Variants in RIMS2 observed in about 807,000 individuals in gnomAD.
RIMS2 encodes regulating synaptic membrane exocytosis protein 2.
RIMS2 carries 59 observed loss-of-function variants against 174.4 expected under a neutral mutation model. That is an observed-to-expected ratio of 0.34 (90% CI 0.27 to 0.42). The LOEUF is 0.42. Ranked by LOEUF, RIMS2 falls within the 10% of genes least tolerant of loss-of-function variation. The pLI, the probability that RIMS2 is intolerant of heterozygous loss-of-function variation, is 1.00. For synonymous variants in RIMS2, 606 were observed against 572.5 expected, an observed-to-expected ratio of 1.06 and a Z score of -0.84; for missense variants, 1,620 against 1,666.3, an observed-to-expected ratio of 0.97 and a Z score of 0.48.
chr8:104,062,656 C>T (rs1350492085), intron 19 of RIMS2, among the ~76,000 whole-genome samples: 1 of 152,134 alleles, frequency 6.6e-6, no homozygotes, highest in African/African-American at 2.4e-5. Flanking sequence ...GAGCCAATAG[C>T]TGTATACACT....
intron 3 of RIMS2, among the ~76,000 whole-genome samples, chr8:103,787,062 A>C (rs1206553576): frequency 6.8e-6 from 1 of 147,736 alleles, no homozygotes; most frequent in Non-Finnish European, 1.5e-5. Flanking sequence ...TGTTGGTTTA[A>C]AGTCTGTTTT....
chr8:104,177,663 A>G (rs1389043683), intron 19 of RIMS2, among the ~76,000 whole-genome samples: 2 of 152,322 alleles, frequency 1.3e-5, no homozygotes, highest in East Asian at 3.9e-4. Flanking sequence ...TCAAATGATC[A>G]TATAAGAAAA....
intron 1 of RIMS2, among the ~76,000 whole-genome samples, chr8:103,556,008 A>G (rs1032994999): frequency 2.6e-5 from 4 of 152,132 alleles, no homozygotes; most frequent in African/African-American, 9.7e-5. Context: ...AGAAAGAGAG[A>G]GTAGAATTGT....
At chr8:104,162,835 A>T (rs752260333) in intron 19 of RIMS2, among the ~76,000 whole-genome samples, 1 of 152,218 alleles carries the variant, frequency 6.6e-6, no homozygotes, top group Non-Finnish European at 1.5e-5. Flanking sequence ...ATTAAAATTT[A>T]TAAGTGCCTT....
At chr8:104,157,960 C>A (rs1838936) in intron 19 of RIMS2, among the ~76,000 whole-genome samples, 1 of 151,944 alleles carries the variant, frequency 6.6e-6, no homozygotes, top group African/African-American at 2.4e-5. Flanking sequence ...ATGTGCACAA[C>A]GTGCAGGTTT....
At chr8:103,678,107 CTTAA>C (rs2096837807) in intron 1 of RIMS2, among the ~76,000 whole-genome samples, 3 of 152,120 alleles carry the variant, frequency 2.0e-5, no homozygotes. Flanking sequence ...ATTTAATAGA[CTTAA>C]TTATATTTGT....
intron 14 of RIMS2, among the ~76,000 whole-genome samples, chr8:103,956,619 T>G (rs2087314875): frequency 6.6e-6 from 1 of 152,160 alleles, no homozygotes; most frequent in South Asian, 2.1e-4. Context: ...ATTAAAGACT[T>G]AAACATAAGA....
intron 19 of RIMS2, among the ~76,000 whole-genome samples, chr8:104,019,493 G>A (rs937107653): frequency 2.6e-5 from 4 of 152,060 alleles, no homozygotes; most frequent in Non-Finnish European, 5.9e-5. Context: ...TATTTTCATG[G>A]AAGCATTCTC....
intron 1 of RIMS2, among the ~76,000 whole-genome samples, chr8:103,681,590 T>C (rs1309350312): frequency 6.6e-6 from 1 of 151,966 alleles, no homozygotes; most frequent in Non-Finnish European, 1.5e-5. Context: ...CAAGAGCATG[T>C]ATAAAATATA....
chr8:103,633,454 TG>T (rs2095995841), intron 1 of RIMS2, among the ~76,000 whole-genome samples: 1 of 152,186 alleles, frequency 6.6e-6, no homozygotes, highest in Non-Finnish European at 1.5e-5. Flanking sequence ...AGTATTTTGC[TG>T]ATTTTTATAT....
At chr8:103,502,349 A>G (rs183942597) in intron 1 of RIMS2, among the ~76,000 whole-genome samples, 19 of 152,340 alleles carry the variant, frequency 1.2e-4, no homozygotes, top group Admixed American at 9.8e-4. Flanking sequence ...ATACCACTTT[A>G]AATAATTTAT....
intron 2 of RIMS2, among the ~76,000 whole-genome samples, chr8:103,744,335 C>T (rs538073921): frequency 3.9e-5 from 6 of 152,242 alleles, no homozygotes; most frequent in Admixed American, 1.3e-4. Context: ...TGAGCCACCA[C>T]GCCCAGCTAG....
chr8:103,838,933 CG>C (rs1171864577), intron 3 of RIMS2, among the ~76,000 whole-genome samples: 10 of 152,014 alleles, frequency 6.6e-5, no homozygotes, highest in African/African-American at 2.4e-4. Flanking sequence ...GGCGTGGTGG[CG>C]GGCACCTGTA....
At chr8:104,164,240 A>G (rs1243922780) in intron 19 of RIMS2, among the ~76,000 whole-genome samples, 1 of 152,170 alleles carries the variant, frequency 6.6e-6, no homozygotes, top group Non-Finnish European at 1.5e-5. Context: ...ACTTGCCATC[A>G]GTCAGAATTC....
At chr8:104,215,178 A>G (rs1483533064) in intron 19 of RIMS2, among the ~76,000 whole-genome samples, 3 of 152,262 alleles carry the variant, frequency 2.0e-5, no homozygotes, top group African/African-American at 7.2e-5. Context: ...TTATGTCAGC[A>G]TATCAAGCAG....
At chr8:104,194,876 C>A (rs989603295) in intron 19 of RIMS2, among the ~76,000 whole-genome samples, 16 of 152,138 alleles carry the variant, frequency 1.1e-4, no homozygotes, top group African/African-American at 3.9e-4. Flanking sequence ...CCCACCTTCA[C>A]AAACATGTGG....
intron 1 of RIMS2, among the ~76,000 whole-genome samples, chr8:103,544,585 C>T (rs1341231890): frequency 2.0e-5 from 3 of 152,232 alleles, no homozygotes; most frequent in Non-Finnish European, 4.4e-5. Context: ...GCTTCCAGCC[C>T]AGTGGTCCCA....
At chr8:104,184,603 G>A (rs2098958521) in intron 19 of RIMS2, among the ~76,000 whole-genome samples, 1 of 151,414 alleles carries the variant, frequency 6.6e-6, no homozygotes, top group South Asian at 2.1e-4. Flanking sequence ...CATTCTGTAG[G>A]ATTTCTCTTT....
At chr8:103,690,729 A>T (rs1177415551) in intron 1 of RIMS2, among the ~76,000 whole-genome samples, 1 of 152,210 alleles carries the variant, frequency 6.6e-6, no homozygotes, top group Non-Finnish European at 1.5e-5. Flanking sequence ...TCAAGATATC[A>T]GTAGTTTATA....
Sources: gnomAD v4.1 joint callset for allele counts (sites outside exome capture counted in the v4.1 genomes callset) on GRCh38, gnomAD v4.1.1 for gene constraint, MANE v1.5 for transcripts, NCBI Gene and HGNC (gene_info 2026-07-23, HGNC 2026-07-21) for gene names.